NNT: variants seen among roughly 807,000 people sequenced by gnomAD.
NNT encodes nicotinamide nucleotide transhydrogenase.
Under a neutral mutation model 104.8 loss-of-function variants are expected in NNT, and 50 were observed. That is an observed-to-expected ratio of 0.48 (90% confidence interval 0.38 to 0.60). The LOEUF is 0.60. NNT is among the 20% of genes least tolerant of loss of function. The pLI is 0.00. For synonymous variants in NNT, 461 were observed against 490.4 expected (o/e 0.94, Z 0.79); for missense variants, 1,131 against 1,330.7 (o/e 0.85, Z 2.33).
At chr5:43,665,994 G>A (rs962064098) in intron 17 of NNT, among the ~76,000 whole-genome samples, 9 of 151,754 alleles carry the variant, frequency 5.9e-5, no homozygotes, top group Admixed American at 3.9e-4. Flanking sequence ...CATCTCAGAC[G>A]GGGCAGCGGG....
intron 17 of NNT, among the ~76,000 whole-genome samples, chr5:43,668,639 A>G (rs1366584633): frequency 1.3e-5 from 2 of 152,034 alleles, no homozygotes; most frequent in Non-Finnish European, 2.9e-5. Context: ...ATTGGTCTAT[A>G]TCTCTGTTTT....
intron 19 of NNT, among the ~76,000 whole-genome samples, chr5:43,683,005 T>C (rs1031809661): frequency 1.2e-4 from 19 of 152,230 alleles, no homozygotes; most frequent in African/African-American, 4.3e-4. Context: ...AGAACAGCTG[T>C]AACATAGGTT....
At chr5:43,680,375 A>G (rs1392097234) in intron 19 of NNT, among the ~76,000 whole-genome samples, 1 of 152,050 alleles carries the variant, frequency 6.6e-6, no homozygotes, top group Non-Finnish European at 1.5e-5. Context: ...GTTTGCAGTA[A>G]TTTAGTCCTT....
chr5:43,675,208 AT>A (rs1190381807), intron 17 of NNT, among the ~76,000 whole-genome samples: 1 of 151,950 alleles, frequency 6.6e-6, no homozygotes, highest in Non-Finnish European at 1.5e-5. Context: ...AATAGATGTG[AT>A]TTTTTCATTA....
intron 19 of NNT, among the ~76,000 whole-genome samples, chr5:43,685,138 A>G (rs1264521446): frequency 6.6e-6 from 1 of 152,232 alleles, no homozygotes; most frequent in African/African-American, 2.4e-5. Flanking sequence ...TATTTAAACC[A>G]TTAAGGTTTT....
At chr5:43,687,696 A>G (rs1742056607) in intron 19 of NNT, among the ~76,000 whole-genome samples, 1 of 152,216 alleles carries the variant, frequency 6.6e-6, no homozygotes, top group African/African-American at 2.4e-5. Flanking sequence ...AAGTAGATAT[A>G]AAATGATAGG....
At chr5:43,629,323 A>AGT (rs1213441437) in intron 7 of NNT, among the ~76,000 whole-genome samples, 2 of 152,118 alleles carry the variant, frequency 1.3e-5, no homozygotes, top group Admixed American at 6.5e-5. Flanking sequence ...TTTGTGGCTG[A>AGT]GTGGTATTCC....
chr5:43,669,340 G>A (rs1417193650), intron 17 of NNT, among the ~76,000 whole-genome samples: 1 of 152,052 alleles, frequency 6.6e-6, no homozygotes, highest in African/African-American at 2.4e-5. Flanking sequence ...GGTGAGAGAG[G>A]GCATCCCTGT....
intron 3 of NNT, among the ~76,000 whole-genome samples, chr5:43,614,855 TGG>T (rs1300105314): frequency 6.6e-6 from 1 of 152,246 alleles, no homozygotes; most frequent in Admixed American, 6.5e-5. Flanking sequence ...AAAAAATGGA[TGG>T]CCGGGCGCAG....
rs973636049 is a variant in NNT, at chr5:43,698,890, T to C, written c.2877-1229T>C. Among the ~76,000 whole-genome samples the C allele has an allele frequency of 1.3e-4, 19 of 148,086 alleles. 1 individual carries two copies. The highest frequency in any genetic ancestry group is 5.8e-4 in the East Asian group (3 of 5,138). ...TATATATGTAGACTATATATATATA[T>C]ACACTACATATATATATATATATAT... On this transcript the variant is annotated intron_variant, in intron 19 of 21. Coordinates refer to ENST00000344920, the MANE Select transcript of NNT (RefSeq NM_182977.3).
chr5:43,640,920 A>C (rs191227125), intron 7 of NNT, among the ~76,000 whole-genome samples: 1 of 151,618 alleles, frequency 6.6e-6, no homozygotes, highest in East Asian at 1.9e-4. Context: ...ATTGCTTTAA[A>C]TTTAGGAAGT....
rs578163058 is a variant in NNT, at chr5:43,671,669, G to A, written c.2635-3842G>A. On this transcript the variant is annotated intron_variant, in intron 17 of 21. Transcript: ENST00000344920. ...GAGAGATCAGCTGTTAGTCTGATGGGCTTCCCTTTGTGGGTAACCCGACCT... is the reference window on the plus strand; with the variant it reads ...GAGAGATCAGCTGTTAGTCTGATGGACTTCCCTTTGTGGGTAACCCGACCT... Among the ~76,000 whole-genome samples the A allele has an allele frequency of 1.4e-3, 209 of 152,276 alleles. 1 individual carries two copies. Among genetic ancestry groups the A allele is most frequent in the African/African-American group, 4.6e-3 (191 of 41,566 alleles).
Position 43,656,790 on chromosome 5 carries a change from G to A in NNT, c.2431G>A (p.Val811Met). 1 of 1,613,612 alleles carries A rather than the reference G, an allele frequency of 6.2e-7. No homozygotes were observed. The highest frequency in any genetic ancestry group is 8.5e-7 in the Non-Finnish European group (1 of 1,179,892). Residue 811 changes from valine (V) to methionine (M), a missense_variant, in exon 16 of 22, where the codon GTG (valine) becomes ATG (methionine). Coordinates refer to ENST00000344920, the MANE Select transcript of NNT (RefSeq NM_182977.3). The stretch of plus-strand genomic sequence containing the variant: ...TACTGGCATCACCTGTCTGGGTTCA[G>A]TGTCTGCTCTCTCTGCTGTCATGGT... The part of the protein sequence containing the change: ...FTTGITCLGS[V>M]SALSAVMGVT...
chr5:43,650,060 G>A (rs1739674187), intron 11 of NNT, among the ~76,000 whole-genome samples: 1 of 152,198 alleles, frequency 6.6e-6, no homozygotes, highest in African/African-American at 2.4e-5. Context: ...GGCATCCCCA[G>A]CAGGCATTTA....
intron 4 of NNT, among the ~76,000 whole-genome samples, chr5:43,616,551 G>T (rs1365260372): frequency 6.6e-6 from 1 of 152,220 alleles, no homozygotes; most frequent in Non-Finnish European, 1.5e-5. Flanking sequence ...ACTAGAGGAA[G>T]TTTCATCTGA....
chr5:43,681,856 A>T (rs1003066150), intron 19 of NNT, among the ~76,000 whole-genome samples: 4 of 152,236 alleles, frequency 2.6e-5, no homozygotes, highest in African/African-American at 9.6e-5. Flanking sequence ...GTTATGAAGA[A>T]ATCTCTATTA....
At chr5:43,670,114 G>T (rs961591344) in intron 17 of NNT, among the ~76,000 whole-genome samples, 1 of 152,090 alleles carries the variant, frequency 6.6e-6, no homozygotes, top group Non-Finnish European at 1.5e-5. Flanking sequence ...ATTTCTGTGG[G>T]ATTGGTGGTG....
chr5:43,695,248 G>C (rs1742499275), intron 19 of NNT, among the ~76,000 whole-genome samples: 1 of 152,090 alleles, frequency 6.6e-6, no homozygotes, highest in Non-Finnish European at 1.5e-5. Flanking sequence ...GCTCTTTTCA[G>C]GTCTTCCTTT....
chr5:43,634,233 C>T (rs1056423886), intron 7 of NNT, among the ~76,000 whole-genome samples: 2 of 152,014 alleles, frequency 1.3e-5, no homozygotes, highest in African/African-American at 4.8e-5. Context: ...CATATATGAA[C>T]CTGAGATGTT....
Sources: allele counts gnomAD v4.1 joint callset (sites outside exome capture counted in the v4.1 genomes callset), GRCh38; gene constraint gnomAD v4.1.1; transcripts MANE v1.5; gene names NCBI Gene and HGNC (gene_info 2026-07-23, HGNC 2026-07-21).